CNTRL: variants seen among roughly 807,000 people sequenced by gnomAD.
The protein encoded by CNTRL is centriolin.
CNTRL carries 233 observed loss-of-function variants against 303.7 expected under a neutral mutation model. The observed-to-expected ratio is 0.77, with a 90% CI of 0.69 to 0.86. CNTRL has a LOEUF of 0.86. CNTRL is among the 40% of genes least tolerant of loss of function. CNTRL has a pLI of 0.00. For synonymous variants in CNTRL, 900 were observed against 922.2 expected (o/e 0.98, Z 0.44); for missense variants, 2,524 against 2,650.6 (o/e 0.95, Z 1.05).
At chr9:121,108,099 T>A in intron 8 of CNTRL, 104 bp downstream of exon 8, 1 of 708,938 alleles carries the variant, frequency 1.4e-6, no homozygotes, top group Non-Finnish European at 2.2e-6. Flanking sequence ...ATGGGGAAGA[T>A]GTGGTTTAAC....
chr9:121,099,779 T>G (rs2049058393), intron 7 of CNTRL, among the ~76,000 whole-genome samples: 1 of 152,126 alleles, frequency 6.6e-6, no homozygotes, highest in Non-Finnish European at 1.5e-5. Context: ...CTTCAGTAGC[T>G]GATTCGATCA....
At chr9:121,151,387 C>CTTTTTTTTTTTTTTTTTTTTT (rs71370632) in intron 25 of CNTRL, among the ~76,000 whole-genome samples, 2 of 90,428 alleles carry the variant, frequency 2.2e-5, no homozygotes, top group African/African-American at 4.1e-5. Context: ...TTTTCTTCTT[C>CTTTTTTTTTTTTTTTTTTTTT]TTTTTTTTTT....
chr9:121,095,957 T>C (rs1349851809), intron 5 of CNTRL, among the ~76,000 whole-genome samples: 2 of 152,238 alleles, frequency 1.3e-5, no homozygotes, highest in African/African-American at 4.8e-5. Context: ...ATTACTTATA[T>C]TCCTAAATAC....
chr9:121,140,728 G>A lies in CNTRL; in HGVS notation c.2425G>A (p.Val809Met), dbSNP rs908204129. ...TGATGGTTTGGTTCGTCCAGAAGAA[G>A]TGGCAGCTCGTGTGGATGAGCTAAG... ...VVDGLVRPEEVAARVDELRRK... is the reference protein window; with the variant it reads ...VVDGLVRPEEMAARVDELRRK... The change falls in exon 17 of 44, where the codon GTG (valine) becomes ATG (methionine). Residue 809 changes from valine (V) to methionine (M), a missense_variant. Physicochemically the swap from Val to Met is conservative, Grantham distance 21. Coordinates refer to ENST00000373855, the MANE Select transcript of CNTRL (RefSeq NM_007018.6). The A allele has an allele frequency of 2.5e-6, 4 of 1,613,516 alleles. No homozygotes were observed. The African/African-American group carries it at 5.3e-5, about 22-fold the overall frequency.
intron 1 of CNTRL, 137 bp downstream of exon 1, chr9:121,075,204 G>C: frequency 2.9e-6 from 1 of 339,156 alleles, no homozygotes; most frequent in Non-Finnish European, 5.8e-6. Flanking sequence ...GCGCGTGTCT[G>C]GGAATTGGGA....
At chr9:121,087,465 TG>T (rs2048389224) in intron 2 of CNTRL, among the ~76,000 whole-genome samples, 1 of 152,112 alleles carries the variant, frequency 6.6e-6, no homozygotes, top group Non-Finnish European at 1.5e-5. Context: ...CCAAGGCACG[TG>T]GATCACCTGA....
intron 7 of CNTRL, 102 bp from the exon 8 acceptor site, chr9:121,107,700 A>T: frequency 1.3e-6 from 1 of 769,906 alleles, no homozygotes; most frequent in Non-Finnish European, 2.0e-6. Context: ...AATTGTATTT[A>T]CAATATTTTT....
chr9:121,127,791 C>G (rs1324328995), intron 14 of CNTRL, among the ~76,000 whole-genome samples: 2 of 116,828 alleles, frequency 1.7e-5, no homozygotes, highest in Admixed American at 1.9e-4. Flanking sequence ...CTATCCCTCC[C>G]CCCTCCCCCC....
At position 121,166,074 on chromosome 9, in the gene CNTRL, A is replaced by T. The variant is rs2053078502; in HGVS notation, c.5582-33A>T. On this transcript the variant is annotated intron_variant, in intron 35 of 43. Coordinates refer to ENST00000373855, the MANE Select transcript of CNTRL (RefSeq NM_007018.6). ...GAATCTGTACAGTAAATACGTATGTATTTCTTATTTCATGAGAATGTCATT... is the reference window on the plus strand; with the variant it reads ...GAATCTGTACAGTAAATACGTATGTTTTTCTTATTTCATGAGAATGTCATT... 2.0e-6 allele frequency: 3 copies of T among 1,522,416 alleles called. No individual in the cohort carries two copies. In the Admixed American group the frequency reaches 5.2e-5, roughly 26 times the overall value. The allele number at this position is 1,522,416 out of a possible 1,614,324, so 94.3% of individuals were successfully genotyped here.
At chr9:121,121,669 G>A (rs557238067) in intron 12 of CNTRL, 26 of 405,354 alleles carry the variant, frequency 6.4e-5, no homozygotes, top group Admixed American at 1.3e-4. Flanking sequence ...AAGTTTGGGC[G>A]TGATTGGCCC....
At chr9:121,107,756 A>T (rs747938207) in intron 7 of CNTRL, 46 bp from the exon 8 acceptor site, 6 of 1,171,532 alleles carry the variant, frequency 5.1e-6, no homozygotes, top group Non-Finnish European at 7.0e-6. Context: ...CCTTTTTAAA[A>T]ATAGGAAATA....
chr9:121,106,386 G>A (rs1026200271), intron 7 of CNTRL, among the ~76,000 whole-genome samples: 3 of 151,694 alleles, frequency 2.0e-5, no homozygotes, highest in Non-Finnish European at 4.4e-5. Context: ...ACAAGACATG[G>A]CTCAATTCTT....
At chr9:121,172,046 T>A (rs1348492092) in intron 40 of CNTRL, among the ~76,000 whole-genome samples, 1 of 152,154 alleles carries the variant, frequency 6.6e-6, no homozygotes, top group Non-Finnish European at 1.5e-5. Flanking sequence ...TGAACTCTAG[T>A]CGGGCTGCTG....
At chr9:121,112,974 C>A (rs1206470654) in intron 9 of CNTRL, among the ~76,000 whole-genome samples, 2 of 152,154 alleles carry the variant, frequency 1.3e-5, no homozygotes, top group African/African-American at 4.8e-5. Flanking sequence ...ATTAATCAAT[C>A]ATGACTGGTA....
intron 2 of CNTRL, among the ~76,000 whole-genome samples, chr9:121,086,253 G>A (rs1397194155): frequency 6.6e-6 from 1 of 152,256 alleles, no homozygotes; most frequent in Admixed American, 6.5e-5. Flanking sequence ...AAACAGACAG[G>A]CTCTCGTGGA....
intron 6 of CNTRL, among the ~76,000 whole-genome samples, chr9:121,097,796 AC>A (rs2048954376): frequency 1.3e-5 from 2 of 152,190 alleles, no homozygotes; most frequent in African/African-American, 4.8e-5. Context: ...TGATGTCCTC[AC>A]CCCATTGATA....
Position 121,098,447 on chromosome 9 carries a change from A to G in CNTRL, c.683A>G (p.Asn228Ser). Residue 228 changes from asparagine to serine, a missense_variant, in exon 7 of 44, where the codon AAT becomes AGT. By Grantham distance (46) the Asn-to-Ser change is conservative. Transcript: ENST00000373855. ...TTGATTTCTCTGATCCTAGTTGAAA[A>G]TCCAGTTGTGACCCTTCCTCATTAC... ...QDLISLILVE[N>S]PVVTLPHYLQ... 6.2e-7 allele frequency: 1 copy of G among 1,613,784 alleles called. No individual in the cohort carries two copies. Among genetic ancestry groups the G allele is most frequent in the Non-Finnish European group, 8.5e-7 (1 of 1,179,750 alleles).
chr9:121,157,641 G>A (rs368179099), intron 28 of CNTRL, 41 bp downstream of exon 28: 80 of 1,605,420 alleles, frequency 5.0e-5, no homozygotes, highest in Non-Finnish European at 6.3e-5. Context: ...ACATTGAGAT[G>A]AATGAAAAGT....
intron 14 of CNTRL, among the ~76,000 whole-genome samples, chr9:121,132,853 T>C (rs902780162): frequency 1.3e-5 from 2 of 152,180 alleles, no homozygotes; most frequent in Non-Finnish European, 2.9e-5. Flanking sequence ...GTTAAGGCTA[T>C]TCCTTTCTGT....
Sources: gnomAD v4.1 joint callset for allele counts (sites outside exome capture counted in the v4.1 genomes callset) on GRCh38, gnomAD v4.1.1 for gene constraint, MANE v1.5 for transcripts, NCBI Gene and HGNC (gene_info 2026-07-23, HGNC 2026-07-21) for gene names.